SPRED3: variants seen among roughly 807,000 people sequenced by gnomAD.
SPRED3 encodes the protein sprouty-related, EVH1 domain-containing protein 3.
In SPRED3, 23 loss-of-function variants were observed where a neutral mutation model predicts 37.6. That is an observed-to-expected ratio of 0.61 (90% CI 0.44 to 0.87). The LOEUF (loss-of-function observed/expected upper bound fraction) is 0.87, where lower values mean the gene tolerates loss of function less well. Ranked by LOEUF, SPRED3 falls within the 40% of genes least tolerant of loss-of-function variation. The pLI, the probability that SPRED3 is intolerant of heterozygous loss-of-function variation, is 0.00. For synonymous variants in SPRED3, 302 were observed against 279.6 expected (o/e 1.08, Z -0.80); for missense variants, 584 against 618.6 (o/e 0.94, Z 0.59).
rs74176441 is a variant in SPRED3 at position 38,393,344 on chromosome 19, CTTTT to C, written c.423+1074_423+1077del. Among the ~76,000 whole-genome samples, 10 of 121,126 alleles carry C rather than the reference CTTTT, an allele frequency of 8.3e-5. No individual in the cohort carries two copies. In the East Asian group the frequency reaches 1.0e-3, roughly 13 times the overall value. The allele number at this position is 121,126 out of a possible 152,430, so 79.5% of individuals were successfully genotyped here. On this transcript the variant is annotated intron_variant, in intron 4 of 5. Transcript: ENST00000691638. ...ATTTCCTTTCTGAAAATACTATTAT[CTTTT>C]TTTTTTTTTTTTTTTTTGAGACGGA...
chr19:38,394,209 C>A, intron 4 of SPRED3: 1 of 1,251,422 alleles, frequency 8.0e-7, no homozygotes, highest in Non-Finnish European at 1.1e-6. Flanking sequence ...GCCCCAATAA[C>A]AGTGTGGGGC....
chr19:38,391,457 G>A (rs187331452), intron 2 of SPRED3, among the ~76,000 whole-genome samples: 1 of 152,152 alleles, frequency 6.6e-6, no homozygotes, highest in African/African-American at 2.4e-5. Flanking sequence ...CCAGAGGGGG[G>A]ATGTTGGGTT....
At chr19:38,389,873 A>C in intron 1 of SPRED3, 1 of 151,560 alleles carries the variant, frequency 6.6e-6, no homozygotes, top group Non-Finnish European at 1.5e-5. Context: ...AGCTGAGTTG[A>C]TGGGCCCAGA....
chr19:38,395,856 G>A lies in SPRED3; in HGVS notation c.944G>A (p.Cys315Tyr). The change falls in exon 6 of 6, where the codon TGC becomes TAC. Residue 315 changes from cysteine to tyrosine, a missense_variant. Cys to Tyr is a radical substitution (Grantham distance 194). Coordinates refer to ENST00000691638, the MANE Select transcript of SPRED3 (RefSeq NM_001394336.1). The surrounding 1 kb of genome is among the most constrained non-coding windows in gnomAD (Gnocchi z 5.2). ...AGAGCAGACGGGCGTGGCGGCCGCT[G>A]CGCAGAGGCCCCGGACCCGGGTCGC... ...RRRADGRGGR[C>Y]AEAPDPGRLL... is the part of the protein sequence containing the mutation. The A allele has an allele frequency of 1.4e-6, 2 of 1,480,872 alleles. No homozygotes were observed. The highest frequency in any genetic ancestry group is 1.8e-6 in the Non-Finnish European group (2 of 1,124,240). The allele number at this position is 1,480,872 out of a possible 1,614,324, so 91.7% of individuals were successfully genotyped here.
At position 38,388,713 on chromosome 19, in the gene SPRED3, C is replaced by T. The variant is rs12972289; in HGVS notation, c.-99C>T. 2 of 395,994 alleles carry T rather than the reference C, an allele frequency of 5.1e-6. No individual in the cohort carries two copies. The highest frequency in any genetic ancestry group is 4.1e-5 in the African/African-American group (2 of 48,334). 24.5% of individuals were successfully genotyped at this position (395,994 alleles called of 1,614,324 possible). Reference sequence around the variant, plus strand: ...CCTCGCCCCGGCTCCCGGTGCCCGTCTCCAGCGCCGCCGGAGCCAGCCAGG... The same window carrying T: ...CCTCGCCCCGGCTCCCGGTGCCCGTTTCCAGCGCCGCCGGAGCCAGCCAGG... On this transcript the variant is annotated 5_prime_UTR_variant, in exon 1 of 6. Transcript: ENST00000691638.
intron 2 of SPRED3, among the ~76,000 whole-genome samples, chr19:38,390,771 C>CCCG (rs1555745927): frequency 3.5e-5 from 4 of 115,054 alleles, no homozygotes; most frequent in African/African-American, 1.3e-4. Context: ...ACTGCCCCCC[C>CCCG]CCCCCCGCCC....
intron 2 of SPRED3, among the ~76,000 whole-genome samples, chr19:38,390,718 G>T (rs1970818909): frequency 6.8e-6 from 1 of 146,450 alleles, no homozygotes; most frequent in African/African-American, 2.6e-5. Context: ...TCCCTGTACT[G>T]CTCCTCCTCC....
chr19:38,394,470 C>T, intron 4 of SPRED3, 173 bp from the exon 5 acceptor site: 3 of 1,495,494 alleles, frequency 2.0e-6, no homozygotes, highest in African/African-American at 1.4e-5. Context: ...AACTGAGGCT[C>T]AAAGAGGTGA....
chr19:38,395,930 T>C lies in SPRED3; in HGVS notation c.1018T>C (p.Tyr340His). Residue 340 changes from tyrosine (Y) to histidine (H), a missense_variant, in exon 6 of 6, where the codon TAC becomes CAC. This residue lies in a region of SPRED3 where 67 missense variants were observed against 57.4 expected (regional missense o/e 1.17). Coordinates refer to ENST00000691638, the MANE Select transcript of SPRED3 (RefSeq NM_001394336.1). The surrounding 1 kb of genome is among the most constrained non-coding windows in gnomAD (Gnocchi z 5.2). Reference sequence around the variant, plus strand: ...CCTGTGGTGCGCCGAGAGCTTGCTCTACCACTGCCTGTCGGACGCCGAGGG... The same window carrying C: ...CCTGTGGTGCGCCGAGAGCTTGCTCCACCACTGCCTGTCGGACGCCGAGGG... ...SCLWCAESLL[Y>H]HCLSDAEGDF... is the part of the protein sequence containing the mutation. The C allele has an allele frequency of 6.6e-7, 1 of 1,507,390 alleles. No individual in the cohort carries two copies. The highest frequency in any genetic ancestry group is 8.8e-7 in the Non-Finnish European group (1 of 1,136,992). The allele number at this position is 1,507,390 out of a possible 1,614,324, so 93.4% of individuals were successfully genotyped here. A position where few individuals can be genotyped will look rare whatever the true frequency, so the allele number is the denominator to read the frequency against.
chr19:38,394,550 G>A (rs1361636565), intron 4 of SPRED3, 93 bp from the exon 5 acceptor site: 6 of 1,555,434 alleles, frequency 3.9e-6, no homozygotes, highest in African/African-American at 1.4e-5. Context: ...CTTCCTGGCC[G>A]CAGAGCCCTC....
At position 38,395,648 on chromosome 19, in the gene SPRED3, G is replaced by A. The variant is rs1358171883; in HGVS notation, c.736G>A (p.Ala246Thr). 2.0e-6 allele frequency: 3 copies of A among 1,526,382 alleles called. No homozygotes were observed. The African/African-American group carries it at 4.3e-5, about 22-fold the overall frequency. The allele number at this position is 1,526,382 out of a possible 1,614,324, so 94.6% of individuals were successfully genotyped here. ...CGTCGTGCGCTTCGCCAAGACCGGC[G>A]CGTTGAGGGGCGCTGCCCTGGGTCC... ...TCVVRFAKTG[A>T]LRGAALGPPA... Residue 246 changes from alanine to threonine, a missense_variant, in exon 6 of 6, where the codon GCG (alanine) becomes ACG (threonine). Ala to Thr is a moderately conservative substitution (Grantham distance 58). This residue lies in a region of SPRED3 where 310 missense variants were observed against 281.1 expected (regional missense o/e 1.10). Coordinates refer to ENST00000691638, the MANE Select transcript of SPRED3 (RefSeq NM_001394336.1). The surrounding 1 kb of genome is among the most constrained non-coding windows in gnomAD (Gnocchi z 5.2).
At chr19:38,391,230 C>T (rs1312219966) in intron 2 of SPRED3, among the ~76,000 whole-genome samples, 2 of 150,952 alleles carry the variant, frequency 1.3e-5, no homozygotes, top group Non-Finnish European at 2.9e-5. Flanking sequence ...GGGTACAGTG[C>T]CTATAATCCC....
At chr19:38,390,835 CCTTG>C (rs1239675865) in intron 2 of SPRED3, among the ~76,000 whole-genome samples, 1 of 143,506 alleles carries the variant, frequency 7.0e-6, no homozygotes, top group Admixed American at 7.4e-5. Flanking sequence ...GCTCAGAGAT[CCTTG>C]CCACGAGGCC....
rs1010650754 is a variant in SPRED3 at position 38,396,830 on chromosome 19, G to T, written c.*685G>T. ...TGCCCACAGACCTGGCCTCCAGTCC[G>T]GGAACACTGAAGTCTAAGATGTCCA... On this transcript the variant is annotated 3_prime_UTR_variant, in exon 6 of 6. Coordinates refer to ENST00000691638, the MANE Select transcript of SPRED3 (RefSeq NM_001394336.1). 6.6e-6 allele frequency: 1 copy of T among 152,086 alleles called. No individual in the cohort carries two copies. The highest frequency in any genetic ancestry group is 2.4e-5 in the African/African-American group (1 of 41,374). 9.4% of individuals were successfully genotyped at this position (152,086 alleles called of 1,614,324 possible).
At chr19:38,394,526 G>A in intron 4 of SPRED3, 117 bp from the exon 5 acceptor site, 1 of 1,566,512 alleles carries the variant, frequency 6.4e-7, no homozygotes, top group Non-Finnish European at 8.7e-7. Flanking sequence ...CAGAGCCGGG[G>A]TTTGAACCCA....
Position 38,395,786 on chromosome 19 carries a change from G to A in SPRED3, c.874G>A (p.Glu292Lys). 1 of 1,464,346 alleles carries A rather than the reference G, an allele frequency of 6.8e-7. No individual in the cohort carries two copies. Among genetic ancestry groups the A allele is most frequent in the Non-Finnish European group, 9.0e-7 (1 of 1,116,368 alleles). The allele number at this position is 1,464,346 out of a possible 1,614,324, so 90.7% of individuals were successfully genotyped here. A position where few individuals can be genotyped will look rare whatever the true frequency, so the allele number is the denominator to read the frequency against. ...SAPAKASPEA[E>K]EAARCVHCRA... ...GCCTGCCAAGGCCTCCCCGGAAGCG[G>A]AGGAGGCAGCGCGCTGCGTGCATTG... Residue 292 changes from glutamate (E) to lysine (K), a missense_variant, in exon 6 of 6, where the codon GAG becomes AAG. Physicochemically the swap from Glu to Lys is moderately conservative, Grantham distance 56. Around this residue, in one of 7 missense-constraint regions of SPRED3, gnomAD observed 310 missense variants for 281.1 expected, o/e 1.10. Transcript: ENST00000691638. The surrounding 1 kb of genome is among the most constrained non-coding windows in gnomAD (Gnocchi z 5.2).
intron 4 of SPRED3, among the ~76,000 whole-genome samples, chr19:38,393,688 G>A (rs1163853275): frequency 1.3e-5 from 2 of 152,090 alleles, no homozygotes; most frequent in Admixed American, 6.5e-5. Flanking sequence ...GCTCCAGGCC[G>A]GCAAGGATCT....
chr19:38,389,044 C>T (rs1387924154), intron 1 of SPRED3, among the ~76,000 whole-genome samples: 1 of 152,192 alleles, frequency 6.6e-6, no homozygotes, highest in Non-Finnish European at 1.5e-5. Flanking sequence ...GTCCTGGACC[C>T]TCACCGTTGA....
chr19:38,393,261 T>C (rs982467060), intron 4 of SPRED3, among the ~76,000 whole-genome samples: 7 of 152,030 alleles, frequency 4.6e-5, no homozygotes, highest in African/African-American at 1.7e-4. Context: ...AAAATTGCAA[T>C]CTGCCAATGC....
Sources: allele counts gnomAD v4.1 joint callset (sites outside exome capture counted in the v4.1 genomes callset), GRCh38; gene constraint gnomAD v4.1.1; regional missense constraint gnomAD v4.1.1; non-coding constraint Gnocchi (gnomAD v3.1); transcripts MANE v1.5; gene names NCBI Gene and HGNC (gene_info 2026-07-23, HGNC 2026-07-21).